KCNQ4: variants seen among roughly 807,000 people sequenced by gnomAD.
The protein encoded by KCNQ4 is potassium voltage-gated channel subfamily KQT member 4.
A neutral mutation model predicts 72.6 loss-of-function variants in KCNQ4; 31 were observed. The ratio of observed to expected loss-of-function variants is 0.43; its 90% CI spans 0.32 to 0.58. KCNQ4 has a LOEUF of 0.58. Ranked by LOEUF, KCNQ4 falls within the 20% of genes least tolerant of loss-of-function variation. The pLI is 0.08. For missense variants in KCNQ4, 869 were observed against 962.6 expected, an observed-to-expected ratio of 0.90 and a Z score of 1.29; for synonymous variants, 405 against 403.7, an observed-to-expected ratio of 1.00 and a Z score of -0.04.
chr1:40,791,171 C>T (rs1399072048), intron 1 of KCNQ4, among the ~76,000 whole-genome samples: 1 of 152,140 alleles, frequency 6.6e-6, no homozygotes, highest in Non-Finnish European at 1.5e-5. Flanking sequence ...AAGGTGTCCA[C>T]CCCCACTCCA....
chr1:40,792,982 CTTTCT>C (rs376895043), intron 1 of KCNQ4, among the ~76,000 whole-genome samples: 6 of 142,644 alleles, frequency 4.2e-5, no homozygotes, highest in Non-Finnish European at 9.2e-5. Flanking sequence ...GTGGGCCCTT[CTTTCT>C]TTTCTTTTCT....
At chr1:40,793,627 G>C (rs984658859) in intron 1 of KCNQ4, among the ~76,000 whole-genome samples, 1 of 152,016 alleles carries the variant, frequency 6.6e-6, no homozygotes, top group African/African-American at 2.4e-5. Context: ...GTGACTCCCC[G>C]ATCCCCAGTG....
chr1:40,796,627 A>G (rs1277864675), intron 1 of KCNQ4, among the ~76,000 whole-genome samples: 1 of 152,146 alleles, frequency 6.6e-6, no homozygotes, highest in Non-Finnish European at 1.5e-5. Context: ...TTAAAGTTCA[A>G]GGTCCTGGGC....
intron 1 of KCNQ4, among the ~76,000 whole-genome samples, chr1:40,796,132 G>C (rs1210641170): frequency 6.6e-6 from 1 of 152,126 alleles, no homozygotes; most frequent in African/African-American, 2.4e-5. Context: ...TCTGTGACAT[G>C]AGAGGGTGGG....
intron 2 of KCNQ4, 46 bp from the exon 3 acceptor site, chr1:40,818,118 C>G (rs1648154166): frequency 6.2e-7 from 1 of 1,613,376 alleles, no homozygotes; most frequent in Non-Finnish European, 8.5e-7. Context: ...ACCTGGGCCC[C>G]AGTTCTGGAG....
intron 10 of KCNQ4, among the ~76,000 whole-genome samples, chr1:40,832,215 T>G (rs2148330617): frequency 6.6e-6 from 1 of 151,882 alleles, no homozygotes; most frequent in East Asian, 1.9e-4. Flanking sequence ...AGAGGTGGGG[T>G]GAGTGCACAA....
chr1:40,815,668 CT>C (rs1215147202), intron 1 of KCNQ4, among the ~76,000 whole-genome samples: 5 of 152,202 alleles, frequency 3.3e-5, no homozygotes, highest in Non-Finnish European at 5.9e-5. Flanking sequence ...CATCTGCCAC[CT>C]ACCTTCTCAA....
chr1:40,837,651 T>A lies in KCNQ4; in HGVS notation c.1746-14T>A. On this transcript the variant is annotated splice_polypyrimidine_tract_variant and intron_variant, in intron 12 of 13. Coordinates refer to ENST00000347132, the MANE Select transcript of KCNQ4 (RefSeq NM_004700.4). The stretch of plus-strand genomic sequence containing the variant: ...GCGTGTCCCCGGGCCCTCTGATGGT[T>A]CCCTTACCCTTAGGGTGGACCAAAT... 6.2e-7 allele frequency: 1 copy of A among 1,611,370 alleles called. No individual in the cohort carries two copies. Among genetic ancestry groups the A allele is most frequent in the Non-Finnish European group, 8.5e-7 (1 of 1,178,584 alleles).
intron 1 of KCNQ4, among the ~76,000 whole-genome samples, chr1:40,801,426 C>T (rs535497259): frequency 1.3e-4 from 20 of 152,266 alleles, no homozygotes; most frequent in Non-Finnish European, 2.5e-4. Context: ...GGCAAGAGGC[C>T]GCAGTTGTAT....
intron 4 of KCNQ4, 157 bp downstream of exon 4, chr1:40,818,837 C>T: frequency 1.3e-6 from 1 of 789,186 alleles, no homozygotes; most frequent in Non-Finnish European, 2.1e-6. Flanking sequence ...GAGGTCTAAG[C>T]GGGTGGGGCG....
At chr1:40,812,280 A>G (rs1439389325) in intron 1 of KCNQ4, among the ~76,000 whole-genome samples, 1 of 152,128 alleles carries the variant, frequency 6.6e-6, no homozygotes, top group Admixed American at 6.5e-5. Flanking sequence ...TTTGAGATAC[A>G]GAGTCTGGCT....
intron 1 of KCNQ4, among the ~76,000 whole-genome samples, chr1:40,790,867 A>G (rs890271329): frequency 6.6e-6 from 1 of 151,418 alleles, no homozygotes; most frequent in Non-Finnish European, 1.5e-5. Context: ...TCCCAGGGAG[A>G]GGTTTGGAGA....
rs551916911 is a variant in KCNQ4, at chr1:40,806,502, T to C, written c.315-10763T>C. The stretch of plus-strand genomic sequence containing the variant: ...AAGCAGACAGAACAAGTCGGAAGGT[T>C]TGGGGCTGGTGCAGGTGGGAGAGGA... On this transcript the variant is annotated intron_variant, in intron 1 of 13. Coordinates refer to ENST00000347132, the MANE Select transcript of KCNQ4 (RefSeq NM_004700.4). 7.9e-4 allele frequency among the ~76,000 whole-genome samples: 120 copies of C among 152,294 alleles called. 2 individuals are homozygous for C. Among genetic ancestry groups the C allele is most frequent in the African/African-American group, 2.9e-3 (120 of 41,556 alleles).
rs1322376061 is a variant in KCNQ4, at chr1:40,817,125, A to C, written c.315-140A>C. On this transcript the variant is annotated intron_variant, in intron 1 of 13. Coordinates refer to ENST00000347132, the MANE Select transcript of KCNQ4 (RefSeq NM_004700.4). The surrounding 1 kb of genome is among the most constrained non-coding windows in gnomAD (Gnocchi z 5.5). ...GTGCCCAGCACAGAGCTGTAACTCCAGGGAATTCCAATTCTGATTTCCACA... is the reference window on the plus strand; with the variant it reads ...GTGCCCAGCACAGAGCTGTAACTCCCGGGAATTCCAATTCTGATTTCCACA... 1 of 725,522 alleles carries C rather than the reference A, an allele frequency of 1.4e-6. No homozygotes were observed. The highest frequency in any genetic ancestry group is 2.7e-5 in the East Asian group (1 of 36,850). The allele number at this position is 725,522 out of a possible 1,614,324, so 44.9% of individuals were successfully genotyped here. A position where few individuals can be genotyped will look rare whatever the true frequency, so the allele number is the denominator to read the frequency against.
chr1:40,826,558 C>A, intron 9 of KCNQ4: 1 of 419,444 alleles, frequency 2.4e-6, no homozygotes, highest in East Asian at 7.5e-5. Context: ...GAGGCCGGCC[C>A]CATCCCAGCA....
chr1:40,811,981 C>G (rs1570820367), intron 1 of KCNQ4, among the ~76,000 whole-genome samples: 1 of 152,290 alleles, frequency 6.6e-6, no homozygotes, highest in East Asian at 1.9e-4. Flanking sequence ...AAGCCACACC[C>G]TAGTTGTGGC....
At chr1:40,805,308 A>G (rs1447255269) in intron 1 of KCNQ4, among the ~76,000 whole-genome samples, 1 of 152,088 alleles carries the variant, frequency 6.6e-6, no homozygotes, top group Non-Finnish European at 1.5e-5. Flanking sequence ...TTTAAACATA[A>G]GGAAGATTGA....
chr1:40,818,454 G>C (rs759801859), intron 3 of KCNQ4, 51 bp from the exon 4 acceptor site: 2 of 1,595,408 alleles, frequency 1.3e-6, no homozygotes, highest in African/African-American at 2.7e-5. Context: ...CCGCCTCCGG[G>C]TCCGTGCGCG....
rs1291272631 is a variant in KCNQ4, at chr1:40,838,249, C to T, written c.1876-62C>T. 76 of 1,471,242 alleles carry T rather than the reference C, an allele frequency of 5.2e-5. 1 individual carries two copies. Among genetic ancestry groups the T allele is most frequent in the Non-Finnish European group, 1.1e-5 (12 of 1,060,332 alleles). The allele number at this position is 1,471,242 out of a possible 1,614,324, so 91.1% of individuals were successfully genotyped here. A position where few individuals can be genotyped will look rare whatever the true frequency, so the allele number is the denominator to read the frequency against. ...TAGGGTCCGCCCCGAGACCCAAGCC[C>T]CGCCCCCGGCCGCGTCCCCTCCGGT... On this transcript the variant is annotated intron_variant, in intron 13 of 13. Transcript: ENST00000347132.
Sources: allele counts gnomAD v4.1 joint callset (sites outside exome capture counted in the v4.1 genomes callset), GRCh38; gene constraint gnomAD v4.1.1; non-coding constraint Gnocchi (gnomAD v3.1); transcripts MANE v1.5; gene names NCBI Gene and HGNC (gene_info 2026-07-23, HGNC 2026-07-21).